Variants in KSR2 observed in about 807,000 individuals in gnomAD.
The protein encoded by KSR2 is kinase suppressor of ras 2.
KSR2 carries 25 observed loss-of-function variants against 107.8 expected under a neutral mutation model. The observed-to-expected ratio is 0.23, with a 90% CI of 0.17 to 0.32. The LOEUF (loss-of-function observed/expected upper bound fraction) is 0.32. KSR2 is among the 10% of genes least tolerant of loss of function. The pLI is 1.00. For synonymous variants in KSR2, 480 were observed against 507.0 expected (o/e 0.95, Z 0.71); for missense variants, 887 against 1,268.9 (o/e 0.70, Z 4.57).
chr12:117,740,161 T>C (rs926858994), intron 4 of KSR2, among the ~76,000 whole-genome samples: 1 of 151,086 alleles, frequency 6.6e-6, no homozygotes, highest in Non-Finnish European at 1.5e-5. Flanking sequence ...TTCCCACTTA[T>C]GAGTGAGAAC....
intron 4 of KSR2, among the ~76,000 whole-genome samples, chr12:117,743,902 C>T (rs1277710027): frequency 3.3e-5 from 5 of 152,142 alleles, no homozygotes; most frequent in Non-Finnish European, 2.9e-5. Context: ...GCTTTCAATG[C>T]CTGGCCTCCA....
At chr12:117,892,570 C>T (rs993566949) in intron 1 of KSR2, among the ~76,000 whole-genome samples, 1 of 152,038 alleles carries the variant, frequency 6.6e-6, no homozygotes, top group Non-Finnish European at 1.5e-5. Context: ...CAGCAAACTA[C>T]TGCCCAGAGG....
intron 4 of KSR2, among the ~76,000 whole-genome samples, chr12:117,670,273 T>G (rs1040385382): frequency 1.2e-4 from 19 of 152,370 alleles, no homozygotes; most frequent in African/African-American, 4.6e-4. Flanking sequence ...CTGCTTTGAT[T>G]TGAGTGCCAA....
chr12:117,665,298 T>A (rs1366879902), intron 5 of KSR2, among the ~76,000 whole-genome samples: 1 of 152,192 alleles, frequency 6.6e-6, no homozygotes. Flanking sequence ...GAAGCCATGA[T>A]GAATCCTCAA....
chr12:117,781,671 T>C (rs1889894329), intron 3 of KSR2, among the ~76,000 whole-genome samples: 1 of 152,148 alleles, frequency 6.6e-6, no homozygotes, highest in African/African-American at 2.4e-5. Flanking sequence ...ATCTTCCATA[T>C]CCTCAAACCA....
At chr12:117,636,158 T>C (rs753293987) in intron 5 of KSR2, among the ~76,000 whole-genome samples, 4 of 152,132 alleles carry the variant, frequency 2.6e-5, no homozygotes, top group Non-Finnish European at 5.9e-5. Context: ...AATGTCTTTT[T>C]CTATTGTAAG....
At chr12:117,568,129 A>C (rs767295095) in intron 7 of KSR2, among the ~76,000 whole-genome samples, 6 of 152,160 alleles carry the variant, frequency 3.9e-5, no homozygotes, top group Non-Finnish European at 7.4e-5. Flanking sequence ...TTTTCTCTCC[A>C]TAAAAGGACA....
intron 4 of KSR2, among the ~76,000 whole-genome samples, chr12:117,696,518 G>T (rs1259307700): frequency 2.0e-5 from 3 of 151,792 alleles, no homozygotes; most frequent in Non-Finnish European, 4.4e-5. Context: ...CACTGGTCGG[G>T]GGGAGTATCA....
intron 1 of KSR2, among the ~76,000 whole-genome samples, chr12:117,888,188 G>A (rs1003990694): frequency 2.0e-5 from 3 of 152,118 alleles, no homozygotes; most frequent in East Asian, 3.8e-4. Context: ...CAGTTTTTAC[G>A]TAGGGCACTT....
chr12:117,506,217 C>T (rs117302325), intron 14 of KSR2, among the ~76,000 whole-genome samples: 2,088 of 152,278 alleles, frequency 0.014, 24 homozygotes, highest in Non-Finnish European at 0.023. Context: ...TTGGGCCCAA[C>T]GAAACATCTT....
At chr12:117,794,816 C>T (rs956564363) in intron 3 of KSR2, among the ~76,000 whole-genome samples, 4 of 148,482 alleles carry the variant, frequency 2.7e-5, no homozygotes, top group African/African-American at 1.0e-4. Context: ...AATATACCAA[C>T]TTTAATCAAG....
Position 117,907,652 on chromosome 12 carries a change from G to A in KSR2, c.181-47221C>T, listed in dbSNP as rs1192064059. 1.3e-5 allele frequency among the ~76,000 whole-genome samples: 2 copies of A among 152,188 alleles called. No homozygotes were observed. The highest frequency in any genetic ancestry group is 3.8e-4 in the East Asian group (2 of 5,204). On this transcript the variant is annotated intron_variant, in intron 1 of 19. Coordinates refer to ENST00000339824, the MANE Select transcript of KSR2 (RefSeq NM_173598.6). The surrounding 1 kb of genome is among the most constrained non-coding windows in gnomAD (Gnocchi z 4.3). Reference sequence around the variant, plus strand: ...GTAAGGAAACCAACCACCTGTAAGAGTACAAGGCTAAAGTGAGTTAACCTT... The same window carrying A: ...GTAAGGAAACCAACCACCTGTAAGAATACAAGGCTAAAGTGAGTTAACCTT...
intron 4 of KSR2, among the ~76,000 whole-genome samples, chr12:117,669,620 C>G (rs1404233825): frequency 6.6e-6 from 1 of 151,656 alleles, no homozygotes; most frequent in Non-Finnish European, 1.5e-5. Flanking sequence ...ATAATCCCAG[C>G]ACTTTCGGGG....
At chr12:117,696,227 C>A (rs565053849) in intron 4 of KSR2, among the ~76,000 whole-genome samples, 3 of 152,124 alleles carry the variant, frequency 2.0e-5, no homozygotes, top group Admixed American at 2.0e-4. Flanking sequence ...TGCTGGGCCC[C>A]GGCTTGGGTT....
chr12:117,661,281 G>T (rs1884420532), intron 5 of KSR2, among the ~76,000 whole-genome samples: 1 of 150,732 alleles, frequency 6.6e-6, no homozygotes, highest in Non-Finnish European at 1.5e-5. Context: ...AAAAAAAATT[G>T]CTCTAAAGGA....
intron 3 of KSR2, among the ~76,000 whole-genome samples, chr12:117,772,645 CAT>C (rs772005800): frequency 2.3e-4 from 35 of 151,108 alleles, no homozygotes; most frequent in African/African-American, 6.1e-4. Context: ...CACACACACA[CAT>C]ACACACCATT....
intron 3 of KSR2, among the ~76,000 whole-genome samples, chr12:117,849,762 AAG>A (rs1166359870): frequency 6.6e-6 from 1 of 152,192 alleles, no homozygotes; most frequent in South Asian, 2.1e-4. Flanking sequence ...GAGAGAGAGA[AAG>A]AGATGACATT....
At chr12:117,959,815 C>T (rs1896609492) in intron 1 of KSR2, among the ~76,000 whole-genome samples, 1 of 151,982 alleles carries the variant, frequency 6.6e-6, no homozygotes, top group African/African-American at 2.4e-5. Flanking sequence ...TCTGCAGTCC[C>T]CGCTACTTGG....
At chr12:117,540,443 G>A (rs1803430239) in intron 9 of KSR2, among the ~76,000 whole-genome samples, 1 of 152,200 alleles carries the variant, frequency 6.6e-6, no homozygotes, top group Non-Finnish European at 1.5e-5. Flanking sequence ...TCCAAGCACA[G>A]TAGTGGGTTG....
Sources: allele counts gnomAD v4.1 joint callset (sites outside exome capture counted in the v4.1 genomes callset), GRCh38; gene constraint gnomAD v4.1.1; non-coding constraint Gnocchi (gnomAD v3.1); transcripts MANE v1.5; gene names NCBI Gene and HGNC (gene_info 2026-07-23, HGNC 2026-07-21).